PEA15: variants seen among roughly 807,000 people sequenced by gnomAD.
The protein encoded by PEA15 is proliferation and apoptosis adaptor protein 15.
For synonymous variants in PEA15, 60 were observed against 61.8 expected, an observed-to-expected ratio of 0.97 and a Z score of 0.13; for missense variants, 77 against 161.3, an observed-to-expected ratio of 0.48 and a Z score of 2.83.
intron 2 of PEA15, among the ~76,000 whole-genome samples, chr1:160,212,567 G>A (rs1210173877): frequency 6.6e-6 from 1 of 152,086 alleles, no homozygotes; most frequent in Non-Finnish European, 1.5e-5. Context: ...CAGGGAAGAA[G>A]GTCTAAGGGC....
At chr1:160,209,799 T>A (rs1654792894) in intron 1 of PEA15, among the ~76,000 whole-genome samples, 1 of 152,118 alleles carries the variant, frequency 6.6e-6, no homozygotes, top group Non-Finnish European at 1.5e-5. Flanking sequence ...ACCCCCCTCC[T>A]TCTGTCCTTG....
At chr1:160,210,959 G>A (rs1185246451) in intron 1 of PEA15, among the ~76,000 whole-genome samples, 1 of 152,180 alleles carries the variant, frequency 6.6e-6, no homozygotes, top group African/African-American at 2.4e-5. Flanking sequence ...CAAGCAACTA[G>A]GCATCTATCC....
intron 2 of PEA15, among the ~76,000 whole-genome samples, 190 bp from the exon 3 acceptor site, chr1:160,212,920 A>C (rs1654936734): frequency 6.6e-6 from 1 of 152,096 alleles, no homozygotes; most frequent in Non-Finnish European, 1.5e-5. Context: ...TCCTGCGAAC[A>C]GTCCTCTGTA....
rs1365611640 is a variant in PEA15 at position 160,213,391 on chromosome 1, T to C, written c.329-31T>C. The C allele has an allele frequency of 2.5e-6, 4 of 1,613,698 alleles. No individual in the cohort carries two copies. Among genetic ancestry groups the C allele is most frequent in the Non-Finnish European group, 3.4e-6 (4 of 1,179,554 alleles). On this transcript the variant is annotated intron_variant, in intron 3 of 3. Transcript: ENST00000360472. The surrounding 1 kb of genome is among the most constrained non-coding windows in gnomAD (Gnocchi z 5.3). ...GCCTGCCTGGCATCTCCCACACTGC[T>C]GTCCCTGGACACATACCTTTTTGCC...
In PEA15 at chr1:160,214,038, C is replaced by T. The variant is rs931312315; in HGVS notation, c.*552C>T. 1.8e-4 allele frequency: 30 copies of T among 162,912 alleles called. No individual in the cohort carries two copies. The highest frequency in any genetic ancestry group is 3.7e-4 in the Non-Finnish European group (27 of 73,332). The allele number at this position is 162,912 out of a possible 1,614,324, so 10.1% of individuals were successfully genotyped here. On this transcript the variant is annotated 3_prime_UTR_variant, in exon 4 of 4. Transcript: ENST00000360472. ...TGAGTACCAGCAGGTCCCTTTTTGT[C>T]TCTCATGGGCCTAGCATAGGTATGA...
In PEA15 at chr1:160,213,056, G is replaced by C. The variant is rs954015118; in HGVS notation, c.173-54G>C. On this transcript the variant is annotated intron_variant, in intron 2 of 3. Transcript: ENST00000360472. This position sits in a 1 kb window ranked among gnomAD's most constrained non-coding sequence, Gnocchi z 5.3. ...TCCAGGTCACTAGTCTGGTGGAGTA[G>C]GGGAAGCTGACCTCTACAGCCTAGC... 1 of 1,593,488 alleles carries C rather than the reference G, an allele frequency of 6.3e-7. No individual in the cohort carries two copies. Among genetic ancestry groups the C allele is most frequent in the Non-Finnish European group, 8.6e-7 (1 of 1,162,708 alleles).
At chr1:160,211,369 A>C (rs889019133) in intron 1 of PEA15, 174 bp from the exon 2 acceptor site, 15 of 1,303,368 alleles carry the variant, frequency 1.2e-5, no homozygotes, top group Non-Finnish European at 1.4e-5. Context: ...GTCTACCCTG[A>C]CTGCCTCCCC....
chr1:160,212,766 AAGGATG>A (rs1428208873), intron 2 of PEA15, among the ~76,000 whole-genome samples: 1 of 122,528 alleles, frequency 8.2e-6, no homozygotes, highest in African/African-American at 3.1e-5. Context: ...GAAAGTGGAA[AAGGATG>A]GGGGTGGGGG....
At chr1:160,211,277 G>A in intron 1 of PEA15, 2 of 1,141,398 alleles carry the variant, frequency 1.8e-6, no homozygotes, top group Non-Finnish European at 2.2e-6. Context: ...TACTGTTAGA[G>A]GGGGAAAACA....
Position 160,213,301 on chromosome 1 carries a change from C to A in PEA15, c.328+36C>A. The A allele has an allele frequency of 6.2e-7, 1 of 1,613,964 alleles. No individual in the cohort carries two copies. The highest frequency in any genetic ancestry group is 8.5e-7 in the Non-Finnish European group (1 of 1,179,820). ...ACTCCTTTAACTAGCTGCACCTCTG[C>A]CTCGTCCCGTTGACTATCCTTGGAG... is the stretch of plus-strand genomic sequence containing the variant. On this transcript the variant is annotated intron_variant, in intron 3 of 3. Transcript: ENST00000360472. This position sits in a 1 kb window ranked among gnomAD's most constrained non-coding sequence, Gnocchi z 5.3.
At position 160,214,407 on chromosome 1, in the gene PEA15, C is replaced by T. The variant is rs2101704691; in HGVS notation, c.*921C>T. 6.5e-6 allele frequency: 1 copy of T among 152,740 alleles called. No individual in the cohort carries two copies. The highest frequency in any genetic ancestry group is 1.9e-4 in the East Asian group (1 of 5,180). The allele number at this position is 152,740 out of a possible 1,614,324, so 9.5% of individuals were successfully genotyped here. On this transcript the variant is annotated 3_prime_UTR_variant, in exon 4 of 4. Coordinates refer to ENST00000360472, the MANE Select transcript of PEA15 (RefSeq NM_003768.5). ...AGAAAGAAGTTAACTACAGTGTTTT[C>T]CTTTGCACCGATCCCCACCCCAATT...
chr1:160,211,417 C>CA, intron 1 of PEA15, 126 bp from the exon 2 acceptor site: 1 of 1,358,484 alleles, frequency 7.4e-7, no homozygotes, highest in East Asian at 2.6e-5. Flanking sequence ...TAGCCACCTC[C>CA]AGCCTCCATG....
At position 160,215,304 on chromosome 1, in the gene PEA15, G is replaced by A. The variant is rs1180756363; in HGVS notation, c.*1818G>A. The A allele has an allele frequency of 3.3e-5, 5 of 152,162 alleles. No individual in the cohort carries two copies. Among genetic ancestry groups the A allele is most frequent in the Non-Finnish European group, 5.9e-5 (4 of 68,036 alleles). The allele number at this position is 152,162 out of a possible 1,614,324, so 9.4% of individuals were successfully genotyped here. On this transcript the variant is annotated 3_prime_UTR_variant, in exon 4 of 4. Coordinates refer to ENST00000360472, the MANE Select transcript of PEA15 (RefSeq NM_003768.5). ...ATTGCTGTGAGATTGCCCCTATCTTGTGCTCTTCTGTCTGCAGTGTGCACG... is the reference window on the plus strand; with the variant it reads ...ATTGCTGTGAGATTGCCCCTATCTTATGCTCTTCTGTCTGCAGTGTGCACG...
Position 160,213,076 on chromosome 1 carries a change from C to T in PEA15, c.173-34C>T. ...GAGTAGGGGAAGCTGACCTCTACAG[C>T]CTAGCTCTGACCCTATCTCCTGCCT... On this transcript the variant is annotated intron_variant, in intron 2 of 3. Coordinates refer to ENST00000360472, the MANE Select transcript of PEA15 (RefSeq NM_003768.5). This position sits in a 1 kb window ranked among gnomAD's most constrained non-coding sequence, Gnocchi z 5.3. 1 of 1,612,096 alleles carries T rather than the reference C, an allele frequency of 6.2e-7. No homozygotes were observed. The highest frequency in any genetic ancestry group is 8.5e-7 in the Non-Finnish European group (1 of 1,178,566).
chr1:160,208,515 C>A lies in PEA15; in HGVS notation c.-3+2993C>A. 1.6e-6 allele frequency: 2 copies of A among 1,227,188 alleles called. No individual in the cohort carries two copies. Among genetic ancestry groups the A allele is most frequent in the Non-Finnish European group, 2.3e-6 (2 of 855,234 alleles). The allele number at this position is 1,227,188 out of a possible 1,614,324, so 76.0% of individuals were successfully genotyped here. A position where few individuals can be genotyped will look rare whatever the true frequency, so the allele number is the denominator to read the frequency against. On this transcript the variant is annotated intron_variant, in intron 1 of 3. Transcript: ENST00000360472. This position sits in a 1 kb window ranked among gnomAD's most constrained non-coding sequence, Gnocchi z 4.1. The stretch of plus-strand genomic sequence containing the variant: ...GATCCCTGAGCAGCTCTCTGCACTG[C>A]TCCAGAAATCAGGAGGATTTTTCAG...
chr1:160,206,826 G>A (rs989317442), intron 1 of PEA15, among the ~76,000 whole-genome samples: 2 of 152,126 alleles, frequency 1.3e-5, no homozygotes, highest in Non-Finnish European at 1.5e-5. Flanking sequence ...CGTGTGTCTG[G>A]GCCCCAGGCT....
At chr1:160,211,771 C>A in intron 2 of PEA15, 55 bp downstream of exon 2, 1 of 1,539,434 alleles carries the variant, frequency 6.5e-7, no homozygotes, top group South Asian at 1.2e-5. Flanking sequence ...TCAGTTCATT[C>A]AGCAAATAGA....
At chr1:160,207,576 G>A (rs1654655180) in intron 1 of PEA15, among the ~76,000 whole-genome samples, 1 of 152,096 alleles carries the variant, frequency 6.6e-6, no homozygotes, top group Non-Finnish European at 1.5e-5. Context: ...TTTGCTTCTT[G>A]GACTGAAGTG....
At chr1:160,210,318 CAG>C (rs1174531727) in intron 1 of PEA15, among the ~76,000 whole-genome samples, 1 of 152,208 alleles carries the variant, frequency 6.6e-6, no homozygotes, top group Non-Finnish European at 1.5e-5. Flanking sequence ...TAGTCGCATA[CAG>C]AGTGTTTATG....
Sources: allele counts gnomAD v4.1 joint callset (sites outside exome capture counted in the v4.1 genomes callset), GRCh38; gene constraint gnomAD v4.1.1; non-coding constraint Gnocchi (gnomAD v3.1); transcripts MANE v1.5; gene names NCBI Gene and HGNC (gene_info 2026-07-23, HGNC 2026-07-21).